UBAP2L: variants seen among roughly 807,000 people sequenced by gnomAD.
UBAP2L encodes the protein ubiquitin associated protein 2 like, also known as ubiquitin-associated protein 2-like.
In UBAP2L, 12 loss-of-function variants were observed where a neutral mutation model predicts 130.6. The ratio of observed to expected loss-of-function variants is 0.09; its 90% CI spans 0.06 to 0.15. The LOEUF is 0.15. Ranked by LOEUF, UBAP2L falls within the 10% of genes least tolerant of loss-of-function variation. UBAP2L has a pLI of 1.00. For synonymous variants in UBAP2L, 503 were observed against 524.7 expected, an observed-to-expected ratio of 0.96 and a Z score of 0.57; for missense variants, 965 against 1,332.5, an observed-to-expected ratio of 0.72 and a Z score of 4.29.
intron 20 of UBAP2L, chr1:154,257,853 A>G (rs1680166906): frequency 5.6e-6 from 1 of 177,568 alleles, no homozygotes; most frequent in Admixed American, 5.5e-5. Context: ...TACAATGTGT[A>G]TGTATATGTG....
At chr1:154,226,152 G>T (rs550082942) in intron 2 of UBAP2L, among the ~76,000 whole-genome samples, 1 of 152,264 alleles carries the variant, frequency 6.6e-6, no homozygotes, top group East Asian at 1.9e-4. Flanking sequence ...TTCCATTCCA[G>T]ATTTTATCCT....
chr1:154,221,523 A>G (rs1666082378), intron 1 of UBAP2L: 1 of 152,200 alleles, frequency 6.6e-6, no homozygotes, highest in Non-Finnish European at 1.5e-5. Flanking sequence ...AGGGAGGGCG[A>G]TGGGGTGGAG....
At position 154,270,274 on chromosome 1, in the gene UBAP2L, C is replaced by T; in HGVS notation, c.3243C>T (p.Ser1081=). Residue 1081 remains serine (S), a synonymous_variant, in exon 27 of 27, where the codon AGC becomes AGT. Transcript: ENST00000428931. ...KPQTNKSAYN[S]YSWGAN is the part of the protein sequence containing the mutation. ...AGACCAACAAGTCTGCCTACAACAG[C>T]TACAGCTGGGGGGCCAACTGAGGCC... 1 of 1,614,028 alleles carries T rather than the reference C, an allele frequency of 6.2e-7. No homozygotes were observed. Among genetic ancestry groups the T allele is most frequent in the Non-Finnish European group, 8.5e-7 (1 of 1,179,958 alleles).
At chr1:154,255,783 G>T (rs1222130901) in intron 18 of UBAP2L, 28 bp downstream of exon 18, 1 of 1,611,674 alleles carries the variant, frequency 6.2e-7, no homozygotes, top group South Asian at 1.1e-5. Flanking sequence ...AGGGATGTGT[G>T]GTTTTCTTAC....
chr1:154,251,251 C>A lies in UBAP2L; in HGVS notation c.1424C>A (p.Ser475Tyr), dbSNP rs1276200012. 1.9e-6 allele frequency: 3 copies of A among 1,614,082 alleles called. No homozygotes were observed. Among genetic ancestry groups the A allele is most frequent in the Non-Finnish European group, 2.5e-6 (3 of 1,180,054 alleles). ...TCGCCTGGATCTTCAGACAACCAGTCCTCTAGCCCTCAGCCGGCTCAGCAG... is the reference window on the plus strand; with the variant it reads ...TCGCCTGGATCTTCAGACAACCAGTACTCTAGCCCTCAGCCGGCTCAGCAG... Reference protein sequence around the residue: ...QMSPGSSDNQSSSPQPAQQKL... With the variant: ...QMSPGSSDNQYSSPQPAQQKL... Residue 475 changes from serine (S) to tyrosine (Y), a missense_variant, in exon 13 of 27, where the codon TCC (serine) becomes TAC (tyrosine). Around this residue, in one of 9 missense-constraint regions of UBAP2L, gnomAD observed 74 missense variants for 97.1 expected, o/e 0.76. Coordinates refer to ENST00000428931, the MANE Select transcript of UBAP2L (RefSeq NM_014847.4).
chr1:154,221,834 A>AG (rs1666252431), intron 1 of UBAP2L, among the ~76,000 whole-genome samples: 2 of 152,240 alleles, frequency 1.3e-5, no homozygotes, highest in Admixed American at 6.5e-5. Flanking sequence ...TTATTTGGGA[A>AG]GCTGGACATG....
intron 15 of UBAP2L, among the ~76,000 whole-genome samples, chr1:154,254,418 G>T (rs1678917193): frequency 6.6e-6 from 1 of 152,164 alleles, no homozygotes; most frequent in South Asian, 2.1e-4. Flanking sequence ...CTAAGTCCTG[G>T]CATGGTGAGG....
chr1:154,235,109 T>A, intron 5 of UBAP2L, 87 bp from the exon 6 acceptor site: 1 of 681,940 alleles, frequency 1.5e-6, no homozygotes, highest in South Asian at 1.7e-5. Context: ...TTTATATATT[T>A]GTATATATCC....
chr1:154,223,565 T>TCAC lies in UBAP2L; in HGVS notation c.-40-1519_-40-1518insCAC, dbSNP rs1367164214. Among the ~76,000 whole-genome samples the TCAC allele has an allele frequency of 2.4e-3, 365 of 152,158 alleles. 1 individual carries two copies. Among genetic ancestry groups the TCAC allele is most frequent in the Non-Finnish European group, 4.1e-3 (281 of 68,018 alleles). ...AGTTGAAACGACTATAATGCTAACC[T>TCAC]GGGAAAATGGGCTACTGTGTAGCAA... On this transcript the variant is annotated intron_variant, in intron 1 of 26. Coordinates refer to ENST00000428931, the MANE Select transcript of UBAP2L (RefSeq NM_014847.4).
intron 22 of UBAP2L, among the ~76,000 whole-genome samples, chr1:154,260,659 A>G (rs1184456961): frequency 6.6e-6 from 1 of 152,204 alleles, no homozygotes; most frequent in Non-Finnish European, 1.5e-5. Flanking sequence ...TTATTCCAAG[A>G]GCCTCCTGCC....
intron 26 of UBAP2L, 95 bp downstream of exon 26, chr1:154,269,049 A>G: frequency 1.4e-6 from 2 of 1,393,626 alleles, no homozygotes; most frequent in South Asian, 1.3e-5. Context: ...CCTCACCACC[A>G]CCTTCACCCA....
chr1:154,261,240 G>T, intron 23 of UBAP2L, 131 bp downstream of exon 23: 1 of 1,096,392 alleles, frequency 9.1e-7, no homozygotes, highest in Non-Finnish European at 1.3e-6. Flanking sequence ...GCCTGTTTTT[G>T]GCCTGATGCA....
intron 3 of UBAP2L, among the ~76,000 whole-genome samples, chr1:154,227,955 G>A (rs1292910295): frequency 6.6e-6 from 1 of 152,142 alleles, no homozygotes; most frequent in African/African-American, 2.4e-5. Context: ...GTGGGTATAG[G>A]AAATGTGGAA....
At chr1:154,245,338 G>A (rs1449559303) in intron 10 of UBAP2L, among the ~76,000 whole-genome samples, 1 of 152,150 alleles carries the variant, frequency 6.6e-6, no homozygotes, top group Non-Finnish European at 1.5e-5. Flanking sequence ...AGTAACAAAG[G>A]ACACTATCAC....
chr1:154,225,499 G>C lies in UBAP2L; in HGVS notation c.90+286G>C, dbSNP rs563156974. ...TTTTTTGTTTTGTTTTAAGATAGGA[G>C]CTCCCTTTGCCTAGGTCAAAGTGCA... is the stretch of plus-strand genomic sequence containing the variant. On this transcript the variant is annotated intron_variant, in intron 2 of 26. Coordinates refer to ENST00000428931, the MANE Select transcript of UBAP2L (RefSeq NM_014847.4). Among the ~76,000 whole-genome samples, 62 of 151,186 alleles carry C rather than the reference G, an allele frequency of 4.1e-4. 1 individual carries two copies. The Middle Eastern group carries it at 0.01, about 25-fold the overall frequency.
chr1:154,266,430 C>A, intron 24 of UBAP2L, 71 bp from the exon 25 acceptor site: 1 of 1,491,202 alleles, frequency 6.7e-7, no homozygotes, highest in Non-Finnish European at 9.4e-7. Flanking sequence ...CTACAGATAT[C>A]ACCTCATCTC....
chr1:154,250,527 C>G (rs1182333761), intron 12 of UBAP2L, among the ~76,000 whole-genome samples: 2 of 152,106 alleles, frequency 1.3e-5, no homozygotes, highest in African/African-American at 4.8e-5. Context: ...CTTACACAGA[C>G]AGGGTAATGT....
intron 20 of UBAP2L, chr1:154,258,723 T>C (rs2148988300): frequency 2.6e-6 from 1 of 386,564 alleles, no homozygotes; most frequent in Non-Finnish European, 4.8e-6. Context: ...GTGTCTACTC[T>C]ATTGGTATCA....
chr1:154,248,741 G>A lies in UBAP2L; in HGVS notation c.1015-498G>A, dbSNP rs545798834. Among the ~76,000 whole-genome samples the A allele has an allele frequency of 3.1e-3, 474 of 152,142 alleles. 4 individuals are homozygous for A. Among genetic ancestry groups the A allele is most frequent in the Middle Eastern group, 0.017 (5 of 294 alleles). On this transcript the variant is annotated intron_variant, in intron 11 of 26. Transcript: ENST00000428931. ...TGAGGCAGGAGAATGGTGTGAACCTGGGAGGCGGAGCTTGCAGTGAGCCGA... is the reference window on the plus strand; with the variant it reads ...TGAGGCAGGAGAATGGTGTGAACCTAGGAGGCGGAGCTTGCAGTGAGCCGA...
Sources: gnomAD v4.1 joint callset for allele counts (sites outside exome capture counted in the v4.1 genomes callset) on GRCh38, gnomAD v4.1.1 for gene constraint, gnomAD v4.1.1 regional missense constraint, MANE v1.5 for transcripts, NCBI Gene and HGNC (gene_info 2026-07-23, HGNC 2026-07-21) for gene names.